EHD3: variants seen among roughly 807,000 people sequenced by gnomAD.
The protein encoded by EHD3 is EH domain containing 3.
A neutral mutation model predicts 43.0 loss-of-function variants in EHD3; 17 were observed. The ratio of observed to expected loss-of-function variants is 0.40; its 90% CI spans 0.27 to 0.59. The LOEUF is 0.59. Ranked by LOEUF, EHD3 falls within the 20% of genes least tolerant of loss-of-function variation. EHD3 has a pLI of 0.49. For missense variants in EHD3, 594 were observed against 705.6 expected, an observed-to-expected ratio of 0.84 and a Z score of 1.79; for synonymous variants, 313 against 289.5, an observed-to-expected ratio of 1.08 and a Z score of -0.82.
chr2:31,254,805 T>C (rs1407350083), intron 3 of EHD3, among the ~76,000 whole-genome samples: 1 of 152,180 alleles, frequency 6.6e-6, no homozygotes, highest in East Asian at 1.9e-4. Flanking sequence ...CTGTGTGAGC[T>C]TGGGCAAGCC....
chr2:31,253,730 G>C (rs1452749350), intron 3 of EHD3, among the ~76,000 whole-genome samples: 1 of 152,204 alleles, frequency 6.6e-6, no homozygotes, highest in South Asian at 2.1e-4. Flanking sequence ...GCCTGGGGCG[G>C]GGTGTGTCTT....
Position 31,234,854 on chromosome 2 carries a change from C to T in EHD3, c.227+6C>T, listed in dbSNP as rs1184200587. ...GGGAAGACCACCTTCATCAGGTGAGCCGGCCCAGGGTCCTGGCAGCCCACC... is the reference window on the plus strand; with the variant it reads ...GGGAAGACCACCTTCATCAGGTGAGTCGGCCCAGGGTCCTGGCAGCCCACC... On this transcript the variant is annotated splice_donor_region_variant and intron_variant, in intron 1 of 5. Coordinates refer to ENST00000322054, the MANE Select transcript of EHD3 (RefSeq NM_014600.3). The T allele has an allele frequency of 4.3e-6, 7 of 1,613,838 alleles. No individual in the cohort carries two copies. The African/African-American group carries it at 5.3e-5, about 12-fold the overall frequency.
intron 5 of EHD3, 79 bp downstream of exon 5, chr2:31,261,792 C>T: frequency 1.3e-6 from 2 of 1,534,880 alleles, no homozygotes; most frequent in African/African-American, 1.4e-5. Flanking sequence ...GAGGAGGCCA[C>T]TCTTGGAGCC....
rs773986355 is a variant in EHD3 at position 31,266,472 on chromosome 2, A to G, written c.1376A>G (p.Asp459Gly). 6 of 1,614,024 alleles carry G rather than the reference A, an allele frequency of 3.7e-6. 1 individual carries two copies. The African/African-American group carries it at 8.0e-5, about 22-fold the overall frequency. Residue 459 changes from aspartate (D) to glycine (G), a missense_variant, in exon 6 of 6, where the codon GAT becomes GGT. Coordinates refer to ENST00000322054, the MANE Select transcript of EHD3 (RefSeq NM_014600.3). This position sits in a 1 kb window ranked among gnomAD's most constrained non-coding sequence, Gnocchi z 5.1. ...ATCTTCTACACCCTGTCACCGGTGG[A>G]TGGCAAGATCACAGGCGCTAATGCC... is the stretch of plus-strand genomic sequence containing the variant. The part of the protein sequence containing the change: ...DEIFYTLSPV[D>G]GKITGANAKK...
In EHD3 at chr2:31,234,565, T is replaced by TC; in HGVS notation, c.-53dup. 6.3e-7 allele frequency: 1 copy of TC among 1,586,550 alleles called. No individual in the cohort carries two copies. The highest frequency in any genetic ancestry group is 1.7e-5 in the Admixed American group (1 of 59,750). On this transcript the variant is annotated 5_prime_UTR_variant, in exon 1 of 6. Coordinates refer to ENST00000322054, the MANE Select transcript of EHD3 (RefSeq NM_014600.3). ...GGCGGACCGGTCCTACGGGACATCT[T>TC]CCCCTGAGGAGGAGTCTTCCCCTGG... is the stretch of plus-strand genomic sequence containing the variant.
chr2:31,263,631 C>T (rs1190314903), intron 5 of EHD3, among the ~76,000 whole-genome samples: 1 of 152,170 alleles, frequency 6.6e-6, no homozygotes, highest in Non-Finnish European at 1.5e-5. Context: ...TCTGCTCCTC[C>T]TCCAGGAGTC....
chr2:31,242,842 C>T (rs913167063), intron 1 of EHD3, among the ~76,000 whole-genome samples: 3 of 151,918 alleles, frequency 2.0e-5, no homozygotes, highest in African/African-American at 7.3e-5. Context: ...TGCCTGTAAT[C>T]CCAGCTACTC....
intron 2 of EHD3, among the ~76,000 whole-genome samples, chr2:31,247,568 C>T (rs1331213560): frequency 6.6e-6 from 1 of 152,158 alleles, no homozygotes; most frequent in African/African-American, 2.4e-5. Flanking sequence ...AATGTGGCCA[C>T]AGGAGGGGCT....
chr2:31,245,744 T>TG (rs1164260590), intron 2 of EHD3, among the ~76,000 whole-genome samples: 3 of 142,338 alleles, frequency 2.1e-5, no homozygotes, highest in East Asian at 2.0e-4. Context: ...TGTTTTTTTT[T>TG]TTTTTTTTTT....
intron 3 of EHD3, among the ~76,000 whole-genome samples, chr2:31,251,774 GCT>G (rs1307206272): frequency 6.6e-6 from 1 of 152,154 alleles, no homozygotes; most frequent in Non-Finnish European, 1.5e-5. Context: ...TAAGCACCTG[GCT>G]CCCTGTTAAG....
At chr2:31,263,732 G>GT (rs1228654416) in intron 5 of EHD3, among the ~76,000 whole-genome samples, 1 of 152,192 alleles carries the variant, frequency 6.6e-6, no homozygotes, top group African/African-American at 2.4e-5. Context: ...AGCTGTGGGT[G>GT]TTTTTTGCAT....
intron 2 of EHD3, 33 bp from the exon 3 acceptor site, chr2:31,249,338 G>T: frequency 6.3e-7 from 1 of 1,599,728 alleles, no homozygotes; most frequent in South Asian, 1.1e-5. Flanking sequence ...AAAGGTGGGC[G>T]AGTACTCACC....
intron 3 of EHD3, 70 bp downstream of exon 3, chr2:31,249,538 C>A: frequency 7.1e-7 from 1 of 1,408,454 alleles, no homozygotes; most frequent in Non-Finnish European, 1.0e-6. Context: ...TCTTACATAC[C>A]AGAAGAGAAG....
At chr2:31,234,989 G>A (rs1683297073) in intron 1 of EHD3, 141 bp downstream of exon 1, 1 of 818,214 alleles carries the variant, frequency 1.2e-6, no homozygotes, top group South Asian at 1.8e-5. Flanking sequence ...GTTTGTGCAG[G>A]CGTCAAAATC....
At position 31,260,694 on chromosome 2, in the gene EHD3, G is replaced by C; in HGVS notation, c.687G>C (p.Leu229=). The C allele has an allele frequency of 1.2e-6, 2 of 1,614,246 alleles. No individual in the cohort carries two copies. The highest frequency in any genetic ancestry group is 1.7e-6 in the Non-Finnish European group (2 of 1,180,042). Residue 229 remains leucine, a synonymous_variant, in exon 4 of 6, where the codon CTG becomes CTC. Coordinates refer to ENST00000322054, the MANE Select transcript of EHD3 (RefSeq NM_014600.3). The surrounding 1 kb of genome is among the most constrained non-coding windows in gnomAD (Gnocchi z 4.6). ...CTGACCAGATCGAGACGCAGCAGCT[G>C]ATGCGGGTGTACGGGGCCCTCATGT... is the stretch of plus-strand genomic sequence containing the variant. ...NKADQIETQQ[L]MRVYGALMWS...
intron 5 of EHD3, 56 bp downstream of exon 5, chr2:31,261,769 C>A: frequency 1.3e-6 from 2 of 1,592,274 alleles, no homozygotes; most frequent in African/African-American, 1.3e-5. Context: ...GCTGGCTGAG[C>A]AGCCTGAGTA....
chr2:31,265,703 C>T (rs1344054122), intron 5 of EHD3, among the ~76,000 whole-genome samples: 2 of 152,070 alleles, frequency 1.3e-5, no homozygotes, highest in East Asian at 1.9e-4. Flanking sequence ...GGGGAGTGAA[C>T]GAGGTAATGT....
rs1412447536 is a variant in EHD3 at position 31,234,374 on chromosome 2, C to G, written c.-248C>G. 3 of 535,890 alleles carry G rather than the reference C, an allele frequency of 5.6e-6. No homozygotes were observed. Among genetic ancestry groups the G allele is most frequent in the Non-Finnish European group, 1.0e-5 (3 of 298,700 alleles). The allele number at this position is 535,890 out of a possible 1,614,324, so 33.2% of individuals were successfully genotyped here. On this transcript the variant is annotated 5_prime_UTR_variant, in exon 1 of 6. Coordinates refer to ENST00000322054, the MANE Select transcript of EHD3 (RefSeq NM_014600.3). ...CAAGATTTCACCCCTCCTCCTCAAG[C>G]CCAGATTATTTATCCTCCCTCCGGC...
rs560476473 is a variant in EHD3, at chr2:31,257,062, C to T, written c.503-3448C>T. 3.9e-5 allele frequency among the ~76,000 whole-genome samples: 6 copies of T among 152,332 alleles called. No individual in the cohort carries two copies. In the East Asian group the frequency reaches 1.2e-3, roughly 29 times the overall value. On this transcript the variant is annotated intron_variant, in intron 3 of 5. Coordinates refer to ENST00000322054, the MANE Select transcript of EHD3 (RefSeq NM_014600.3). ...GTCTTGGTCCTCCCAGCAGCCCCTC[C>T]TGTGGCCTGCACTGGCACAGCTAAA...
Sources: gnomAD v4.1 joint callset for allele counts (sites outside exome capture counted in the v4.1 genomes callset) on GRCh38, gnomAD v4.1.1 for gene constraint, Gnocchi (gnomAD v3.1) non-coding constraint, MANE v1.5 for transcripts, NCBI Gene and HGNC (gene_info 2026-07-23, HGNC 2026-07-21) for gene names.